The following OR7E24 variants were observed in gnomAD, a reference collection of about 807,000 sequenced individuals.
OR7E24 encodes the protein olfactory receptor 7E24.
For missense variants in OR7E24, 385 were observed against 410.3 expected, an observed-to-expected ratio of 0.94 and a Z score of 0.53; for synonymous variants, 130 against 157.5, an observed-to-expected ratio of 0.83 and a Z score of 1.31.
At chr19:9,241,068 C>T in the OR7E24 span, among the ~76,000 whole-genome samples, 2 of 152,126 alleles carry the variant, frequency 1.3e-5, no homozygotes, top group East Asian at 3.9e-4. Flanking sequence ...CCACCCGCCT[C>T]GGCCACCCAA....
At chr19:9,231,461 T>C in the OR7E24 span, among the ~76,000 whole-genome samples, 3 of 152,140 alleles carry the variant, frequency 2.0e-5, no homozygotes, top group Non-Finnish European at 2.9e-5. Context: ...ATGCCTGTAG[T>C]CCCAGCTACT....
At chr19:9,250,188 G>C (rs765767933), upstream of OR7E24, among the ~76,000 whole-genome samples, 5 of 152,126 alleles carry the variant, frequency 3.3e-5, no homozygotes, top group Non-Finnish European at 5.9e-5. Context: ...TCGAACTCCA[G>C]GGCTCAAGCG....
At chr19:9,206,526 C>G in the OR7E24 span, 15 of 152,130 alleles carry the variant, frequency 9.9e-5, no homozygotes, top group African/African-American at 3.6e-4. Flanking sequence ...AAATCACAAC[C>G]CTGTTTTTAT....
At chr19:9,232,370 TCTA>T in the OR7E24 span, among the ~76,000 whole-genome samples, 1 of 151,740 alleles carries the variant, frequency 6.6e-6, no homozygotes, top group East Asian at 1.9e-4. Context: ...AAACCCCGTG[TCTA>T]CTAAAAATAC....
At chr19:9,216,137 T>A in the OR7E24 span, among the ~76,000 whole-genome samples, 9 of 152,218 alleles carry the variant, frequency 5.9e-5, no homozygotes, top group Admixed American at 2.6e-4. Context: ...TGATTCAATT[T>A]CCTCCCACTG....
chr19:9,214,949 CCCTT>C, the OR7E24 span: 1 of 642,262 alleles, frequency 1.6e-6, no homozygotes, highest in Non-Finnish European at 2.7e-6. Flanking sequence ...ACATTTGTCA[CCCTT>C]CCTGGAGTCC....
chr19:9,218,736 ATCC>A, the OR7E24 span, among the ~76,000 whole-genome samples: 1 of 152,090 alleles, frequency 6.6e-6, no homozygotes, highest in Non-Finnish European at 1.5e-5. Context: ...TCAAGCAATT[ATCC>A]CATCTCAGTC....
chr19:9,216,937 A>C, the OR7E24 span, among the ~76,000 whole-genome samples: 1 of 152,212 alleles, frequency 6.6e-6, no homozygotes, highest in Admixed American at 6.5e-5. Context: ...TTTCATGGCT[A>C]TCATTTATCA....
chr19:9,210,017 T>C, the OR7E24 span: 1 of 152,192 alleles, frequency 6.6e-6, no homozygotes, highest in Non-Finnish European at 1.5e-5. Context: ...TAAGAGTCTG[T>C]TTGAGGAGAC....
upstream of OR7E24, among the ~76,000 whole-genome samples, chr19:9,243,387 A>G (rs2066121322): frequency 6.8e-6 from 1 of 147,582 alleles, no homozygotes; most frequent in Non-Finnish European, 1.5e-5. Context: ...AGTATTGTGC[A>G]GGCTGGAGTA....
Position 9,252,287 on chromosome 19 carries a change from A to G in OR7E24, c.*224A>G, listed in dbSNP as rs1433059143. ...AGACAGCCTCCTTTAGTATCTGTGC[A>G]ATGACCTTGATATCCAGGTGCAATC... On this transcript the variant is annotated 3_prime_UTR_variant, in exon 1 of 1. Coordinates refer to ENST00000456448, the MANE Select transcript of OR7E24 (RefSeq NM_001079935.2). The G allele has an allele frequency of 5.2e-5, 20 of 387,212 alleles. No homozygotes were observed. The highest frequency in any genetic ancestry group is 3.3e-5 in the Non-Finnish European group (7 of 214,358). The allele number at this position is 387,212 out of a possible 1,614,324, so 24.0% of individuals were successfully genotyped here. A position where few individuals can be genotyped will look rare whatever the true frequency, so the allele number is the denominator to read the frequency against.
upstream of OR7E24, among the ~76,000 whole-genome samples, chr19:9,242,424 A>G (rs150267585): frequency 6.7e-3 from 1,013 of 151,946 alleles, 18 homozygotes; most frequent in African/African-American, 0.023. Flanking sequence ...TTTTTTTTGT[A>G]TTTTTAGTAG....
the OR7E24 span, among the ~76,000 whole-genome samples, chr19:9,239,362 C>T: frequency 1.3e-5 from 2 of 151,900 alleles, no homozygotes; most frequent in African/African-American, 2.4e-5. Context: ...TTAGTAGAGA[C>T]GGGGCTTCAC....
chr19:9,248,503 T>G (rs895989864), upstream of OR7E24, among the ~76,000 whole-genome samples: 2 of 152,030 alleles, frequency 1.3e-5, no homozygotes, highest in African/African-American at 4.8e-5. Context: ...CCCCCTCGAA[T>G]CCGTGTCACA....
chr19:9,214,764 G>A, the OR7E24 span: 1 of 1,613,930 alleles, frequency 6.2e-7, no homozygotes, highest in African/African-American at 1.3e-5. Flanking sequence ...AAAGAGGACG[G>A]GCTGCAGTTC....
At chr19:9,217,397 C>T in the OR7E24 span, among the ~76,000 whole-genome samples, 1 of 152,100 alleles carries the variant, frequency 6.6e-6, no homozygotes, top group African/African-American at 2.4e-5. Context: ...AAGGTTGTTA[C>T]TATTTATGCC....
the OR7E24 span, among the ~76,000 whole-genome samples, chr19:9,226,706 T>TA: frequency 2.8e-3 from 429 of 152,332 alleles, 3 homozygotes; most frequent in African/African-American, 0.01. Flanking sequence ...TAAGGGAAGT[T>TA]ACTATTTATT....
the OR7E24 span, among the ~76,000 whole-genome samples, chr19:9,240,967 G>T: frequency 2.6e-5 from 4 of 151,902 alleles, no homozygotes; most frequent in Non-Finnish European, 5.9e-5. Context: ...ACAGGTGCCC[G>T]CCACCACGCC....
the OR7E24 span, among the ~76,000 whole-genome samples, chr19:9,232,492 C>A: frequency 2.1e-5 from 3 of 146,128 alleles, no homozygotes; most frequent in East Asian, 6.2e-4. Flanking sequence ...GAGCCAAGAT[C>A]GCGCCACTGC....
Sources: allele counts gnomAD v4.1 joint callset (sites outside exome capture counted in the v4.1 genomes callset), GRCh38; gene constraint gnomAD v4.1.1; transcripts MANE v1.5; gene names NCBI Gene and HGNC (gene_info 2026-07-23, HGNC 2026-07-21).